The following CAMTA1 variants were observed in gnomAD, a reference collection of about 807,000 sequenced individuals.
CAMTA1 encodes the protein calmodulin-binding transcription activator 1.
CAMTA1 carries 27 observed loss-of-function variants against 170.9 expected under a neutral mutation model. That is an observed-to-expected ratio of 0.16 (90% CI 0.12 to 0.22). The LOEUF is 0.22. Ranked by LOEUF, CAMTA1 falls within the 10% of genes least tolerant of loss-of-function variation. The probability of loss-of-function intolerance (pLI) is 1.00; values close to 1 mark genes in which losing one functional copy is unlikely to be tolerated. For synonymous variants in CAMTA1, 833 were observed against 891.5 expected (o/e 0.93, Z 1.17); for missense variants, 1,619 against 2,217.2 (o/e 0.73, Z 5.42).
rs900773568 is a variant in CAMTA1, at chr1:7,629,765, G to T, written c.511-10635G>T. 3.6e-4 allele frequency among the ~76,000 whole-genome samples: 55 copies of T among 152,138 alleles called. 2 individuals carry two copies. Among genetic ancestry groups the T allele is most frequent in the African/African-American group, 1.3e-3 (54 of 41,516 alleles). The stretch of plus-strand genomic sequence containing the variant: ...GCAGCAAGGACGCCTCGGCCATTCT[G>T]TCTCCAGTTCCCAGGTCCTGCCCTC... On this transcript the variant is annotated intron_variant, in intron 6 of 22. Coordinates refer to ENST00000303635, the MANE Select transcript of CAMTA1 (RefSeq NM_015215.4).
Position 7,650,359 on chromosome 1 carries a change from T to C in CAMTA1, c.664+9806T>C, listed in dbSNP as rs76394034. On this transcript the variant is annotated intron_variant, in intron 7 of 22. Coordinates refer to ENST00000303635, the MANE Select transcript of CAMTA1 (RefSeq NM_015215.4). Reference sequence around the variant, plus strand: ...TTTCCTGTGAGGCCAGTTACAGGGGTAAAGGACATGCCACCCCACACGCTC... The same window carrying C: ...TTTCCTGTGAGGCCAGTTACAGGGGCAAAGGACATGCCACCCCACACGCTC... 2.8e-3 allele frequency among the ~76,000 whole-genome samples: 421 copies of C among 152,086 alleles called. 3 individuals carry two copies. Among genetic ancestry groups the C allele is most frequent in the African/African-American group, 9.4e-3 (389 of 41,486 alleles).
intron 3 of CAMTA1, among the ~76,000 whole-genome samples, chr1:6,942,521 T>A (rs922297546): frequency 2.0e-4 from 31 of 152,058 alleles, no homozygotes; most frequent in African/African-American, 7.2e-4. Flanking sequence ...AAAAATTAGC[T>A]GGATGTGGTG....
chr1:7,088,334 C>A (rs546265166), intron 3 of CAMTA1, among the ~76,000 whole-genome samples: 2 of 152,226 alleles, frequency 1.3e-5, no homozygotes, highest in South Asian at 4.1e-4. Context: ...CCTCTGCTTG[C>A]TTGAGAGAAG....
At chr1:7,330,175 C>T (rs1018981883) in intron 5 of CAMTA1, among the ~76,000 whole-genome samples, 1 of 152,186 alleles carries the variant, frequency 6.6e-6, no homozygotes, top group Non-Finnish European at 1.5e-5. Flanking sequence ...TGTTACCAGG[C>T]TGAAATCCAG....
At position 6,792,147 on chromosome 1, in the gene CAMTA1, G is replaced by A. The variant is rs1641290832; in HGVS notation, c.45+6572G>A. Among the ~76,000 whole-genome samples, 4 of 151,856 alleles carry A rather than the reference G, an allele frequency of 2.6e-5. No individual in the cohort carries two copies. The South Asian group carries it at 6.3e-4, about 24-fold the overall frequency. ...TTTTTTTCGTATTTTTAGTAGAGACGGGGTTTCACCATGTTGGCCAGGTTG... is the reference window on the plus strand; with the variant it reads ...TTTTTTTCGTATTTTTAGTAGAGACAGGGTTTCACCATGTTGGCCAGGTTG... On this transcript the variant is annotated intron_variant, in intron 1 of 22. Coordinates refer to ENST00000303635, the MANE Select transcript of CAMTA1 (RefSeq NM_015215.4).
intron 4 of CAMTA1, among the ~76,000 whole-genome samples, chr1:7,123,801 A>G (rs1644780396): frequency 6.6e-6 from 1 of 152,030 alleles, no homozygotes; most frequent in African/African-American, 2.4e-5. Context: ...AGCCTGACCC[A>G]TTCACTGCCA....
chr1:7,263,210 G>A (rs922509796), intron 5 of CAMTA1, among the ~76,000 whole-genome samples: 3 of 152,136 alleles, frequency 2.0e-5, no homozygotes, highest in Admixed American at 1.3e-4. Flanking sequence ...CCAGATGGAA[G>A]CATGGTATAA....
intron 5 of CAMTA1, among the ~76,000 whole-genome samples, chr1:7,386,792 C>T (rs77543417): frequency 0.036 from 5,429 of 152,190 alleles, 330 homozygotes; most frequent in African/African-American, 0.12. Flanking sequence ...AATACTTTCC[C>T]GGGTCACTTG....
Position 7,673,844 on chromosome 1 carries a change from T to G in CAMTA1, c.2779+2807T>G, listed in dbSNP as rs1250454708. On this transcript the variant is annotated intron_variant, in intron 10 of 22. Transcript: ENST00000303635. The surrounding 1 kb of genome is among the most constrained non-coding windows in gnomAD (Gnocchi z 4.6). Reference sequence around the variant, plus strand: ...AAATAACTTTTGAGTAGCCCCTGCTTGCTCTGCACAGAGTAGGGGCCTGGA... The same window carrying G: ...AAATAACTTTTGAGTAGCCCCTGCTGGCTCTGCACAGAGTAGGGGCCTGGA... Among the ~76,000 whole-genome samples the G allele has an allele frequency of 2.0e-5, 3 of 152,220 alleles. No homozygotes were observed. The highest frequency in any genetic ancestry group is 7.2e-5 in the African/African-American group (3 of 41,450).
At position 7,663,782 on chromosome 1, in the gene CAMTA1, T is replaced by C; in HGVS notation, c.1235T>C (p.Met412Thr). ...GTCACCAATGAGGCCGTGTACACCA[T>C]GTCCCCCACCGCTGGCCCCAACCAC... ...SEVTNEAVYT[M>T]SPTAGPNHHL... The change falls in exon 9 of 23, where the codon ATG becomes ACG. Residue 412 changes from methionine to threonine, a missense_variant. Physicochemically the swap from Met to Thr is moderately conservative, Grantham distance 81. This residue lies in a region of CAMTA1 where 731 missense variants were observed against 907.6 expected (regional missense o/e 0.81). Transcript: ENST00000303635. 1 of 1,614,130 alleles carries C rather than the reference T, an allele frequency of 6.2e-7. No homozygotes were observed. Among genetic ancestry groups the C allele is most frequent in the Non-Finnish European group, 8.5e-7 (1 of 1,180,026 alleles).
intron 3 of CAMTA1, among the ~76,000 whole-genome samples, chr1:6,873,869 T>G (rs1276928479): frequency 6.6e-6 from 1 of 152,202 alleles, no homozygotes; most frequent in East Asian, 1.9e-4. Context: ...AACCTTCATT[T>G]GAGAGTCAGG....
At chr1:6,975,626 A>G (rs1414628592) in intron 3 of CAMTA1, among the ~76,000 whole-genome samples, 1 of 152,180 alleles carries the variant, frequency 6.6e-6, no homozygotes, top group African/African-American at 2.4e-5. Flanking sequence ...TGCTTGGAGC[A>G]TAATAACGGC....
At chr1:7,706,886 CT>C (rs139511207) in intron 11 of CAMTA1, among the ~76,000 whole-genome samples, 17 of 132,166 alleles carry the variant, frequency 1.3e-4, no homozygotes, top group African/African-American at 1.7e-4. Context: ...TCAGGCTATT[CT>C]TTTTTTTTTT....
intron 3 of CAMTA1, among the ~76,000 whole-genome samples, chr1:7,057,515 C>T (rs984566866): frequency 6.6e-6 from 1 of 152,158 alleles, no homozygotes; most frequent in Non-Finnish European, 1.5e-5. Context: ...TTCCATTTTT[C>T]CCAGAGAAAA....
At chr1:6,826,312 AT>A (rs1217737777) in intron 3 of CAMTA1, among the ~76,000 whole-genome samples, 2 of 152,152 alleles carry the variant, frequency 1.3e-5, no homozygotes, top group African/African-American at 4.8e-5. Context: ...CTATGTTTTG[AT>A]CATTTTCATA....
At chr1:7,729,876 C>T (rs886092493) in intron 11 of CAMTA1, among the ~76,000 whole-genome samples, 1 of 152,194 alleles carries the variant, frequency 6.6e-6, no homozygotes, top group Non-Finnish European at 1.5e-5. Flanking sequence ...ACGCTTTGCT[C>T]GCTAGTCTTG....
At chr1:7,584,311 A>G (rs1437432238) in intron 6 of CAMTA1, among the ~76,000 whole-genome samples, 13 of 151,936 alleles carry the variant, frequency 8.6e-5, no homozygotes. Context: ...AGGGGACGGA[A>G]GCTGACTGAG....
intron 5 of CAMTA1, among the ~76,000 whole-genome samples, chr1:7,287,428 T>G (rs561407830): frequency 2.6e-5 from 4 of 152,342 alleles, no homozygotes; most frequent in Non-Finnish European, 5.9e-5. Flanking sequence ...GTAACTGCTC[T>G]TGGGACTGAG....
At chr1:7,531,657 C>G (rs745758249) in intron 6 of CAMTA1, among the ~76,000 whole-genome samples, 5 of 152,258 alleles carry the variant, frequency 3.3e-5, no homozygotes, top group Non-Finnish European at 5.9e-5. Context: ...GAGCCTCCCT[C>G]TCGCCAGGTC....
Sources: gnomAD v4.1 joint callset for allele counts (sites outside exome capture counted in the v4.1 genomes callset) on GRCh38, gnomAD v4.1.1 for gene constraint, gnomAD v4.1.1 regional missense constraint, Gnocchi (gnomAD v3.1) non-coding constraint, MANE v1.5 for transcripts, NCBI Gene and HGNC (gene_info 2026-07-23, HGNC 2026-07-21) for gene names.